Variants in C3 observed in about 807,000 individuals in gnomAD.
C3 encodes C3 and PZP-like alpha-2-macroglobulin domain-containing protein 1.
Under a neutral mutation model 207.9 loss-of-function variants are expected in C3, and 97 were observed. That is an observed-to-expected ratio of 0.47 (90% CI 0.40 to 0.55). The LOEUF is 0.55. Ranked by LOEUF, C3 falls within the 20% of genes least tolerant of loss-of-function variation. The pLI, the probability that C3 is intolerant of heterozygous loss-of-function variation, is 0.00. For synonymous variants in C3, 848 were observed against 857.6 expected (o/e 0.99, Z 0.20); for missense variants, 1,684 against 2,171.7 (o/e 0.78, Z 4.46).
At position 6,685,101 on chromosome 19, in the gene C3, C is replaced by A; in HGVS notation, c.3856G>T (p.Ala1286Ser). ...AGGTTCAGTTCCTGGTGGTCAGGGGCGTCCTTTTGGTATTGAGCCAAGGCT... is the reference window on the plus strand; with the variant it reads ...AGGTTCAGTTCCTGGTGGTCAGGGGAGTCCTTTTGGTATTGAGCCAAGGCT... ...FQALAQYQKD[A>S]PDHQELNLDV... The change falls in exon 30 of 41, where the codon GCC (alanine) becomes TCC (serine). Residue 1286 changes from alanine to serine, a missense_variant. Ala to Ser is a moderately conservative substitution (Grantham distance 99, BLOSUM62 1). Coordinates refer to ENST00000245907, the MANE Select transcript of C3 (RefSeq NM_000064.4). The A allele has an allele frequency of 6.2e-7, 1 of 1,613,922 alleles. No individual in the cohort carries two copies. The highest frequency in any genetic ancestry group is 8.5e-7 in the Non-Finnish European group (1 of 1,179,946).
chr19:6,686,024 G>T, intron 29 of C3, 100 bp downstream of exon 29: 1 of 1,226,164 alleles, frequency 8.2e-7, no homozygotes, highest in Non-Finnish European at 1.2e-6. Flanking sequence ...TCGTGGGAAT[G>T]AAGAACTGCC....
chr19:6,692,159 G>C (rs1918185683), intron 26 of C3, among the ~76,000 whole-genome samples: 1 of 152,116 alleles, frequency 6.6e-6, no homozygotes, highest in Non-Finnish European at 1.5e-5. Context: ...CTGGAGTGCA[G>C]TGTCATGATC....
chr19:6,684,413 T>A lies in C3; in HGVS notation c.4147A>T (p.Thr1383Ser). 1.2e-6 allele frequency: 2 copies of A among 1,614,018 alleles called. No individual in the cohort carries two copies. The highest frequency in any genetic ancestry group is 1.7e-6 in the Non-Finnish European group (2 of 1,179,876). Residue 1383 changes from threonine (T) to serine (S), a missense_variant, in exon 33 of 41, where the codon ACT becomes TCT. By Grantham distance (58) the Thr-to-Ser change is moderately conservative. This residue lies in a region of C3 where 346 missense variants were observed against 380.1 expected (regional missense o/e 0.91). Coordinates refer to ENST00000245907, the MANE Select transcript of C3 (RefSeq NM_000064.4). ...TEKRPQDAKN[T>S]MILEICTRYR... Reference sequence around the variant, plus strand: ...CTGGTACAGATCTCAAGGATCATAGTGTTCTTGGCATCCTGAGGCCTCTTT... The same window carrying A: ...CTGGTACAGATCTCAAGGATCATAGAGTTCTTGGCATCCTGAGGCCTCTTT...
intron 23 of C3, 98 bp from the exon 24 acceptor site, chr19:6,694,732 A>C: frequency 3.6e-6 from 4 of 1,100,768 alleles, no homozygotes; most frequent in Non-Finnish European, 5.3e-6. Flanking sequence ...GCCAGGGCCA[A>C]GGGGTTAGGG....
At chr19:6,700,789 T>C (rs1967657755) in intron 19 of C3, among the ~76,000 whole-genome samples, 1 of 131,526 alleles carries the variant, frequency 7.6e-6, no homozygotes, top group Non-Finnish European at 1.5e-5. Flanking sequence ...AAATATATTA[T>C]GTAATATATA....
At position 6,709,852 on chromosome 19, in the gene C3, G is replaced by T; in HGVS notation, c.1687-10C>A. 6.2e-7 allele frequency: 1 copy of T among 1,611,988 alleles called. No homozygotes were observed. ...CGCTTTTTACCACCAGCTGTGGGGA[G>T]GGTGGAGACGCCGAAAGAAGTCAGC... On this transcript the variant is annotated splice_polypyrimidine_tract_variant and intron_variant, in intron 13 of 40. Transcript: ENST00000245907.
intron 26 of C3, 78 bp downstream of exon 26, chr19:6,692,846 T>TG: frequency 2.0e-6 from 3 of 1,531,810 alleles, no homozygotes; most frequent in Non-Finnish European, 1.8e-6. Context: ...CACATGGAGG[T>TG]GGGGCTCTCT....
intron 13 of C3, 32 bp downstream of exon 13, chr19:6,710,607 A>T (rs1173655411): frequency 6.5e-7 from 1 of 1,535,734 alleles, no homozygotes; most frequent in African/African-American, 1.4e-5. Context: ...AGGGAGAGGG[A>T]GAGGGGGCGA....
At chr19:6,711,909 C>T (rs1410342258) in intron 11 of C3, among the ~76,000 whole-genome samples, 21 of 152,196 alleles carry the variant, frequency 1.4e-4, no homozygotes, top group Admixed American at 1.4e-3. Flanking sequence ...GTGGATGGAG[C>T]GCCTCTCCGT....
At position 6,707,889 on chromosome 19, in the gene C3, G is replaced by A. The variant is rs1358823675; in HGVS notation, c.1886C>T (p.Pro629Leu). 3 of 1,613,932 alleles carry A rather than the reference G, an allele frequency of 1.9e-6. No individual in the cohort carries two copies. The highest frequency in any genetic ancestry group is 2.2e-5 in the East Asian group (1 of 44,876). Residue 629 changes from proline (P) to leucine (L), a missense_variant, in exon 15 of 41, where the codon CCG becomes CTG. By Grantham distance (98) the Pro-to-Leu change is moderately conservative. Around this residue, in one of 3 missense-constraint regions of C3, gnomAD observed 1,280 missense variants for 1,739.1 expected, o/e 0.74. Coordinates refer to ENST00000245907, the MANE Select transcript of C3 (RefSeq NM_000064.4). ...ACCGGCGTAATCCTTCCCACTGCCC[G>A]GGGTGCAGCCGATGTCTGCCTTCTC... ...VVEKADIGCT[P>L]GSGKDYAGVF...
In C3 at chr19:6,682,043, G is replaced by A. The variant is rs1273232456; in HGVS notation, c.4261-13C>T. 3.7e-6 allele frequency: 6 copies of A among 1,613,048 alleles called. No individual in the cohort carries two copies. The Admixed American group carries it at 1.0e-4, about 27-fold the overall frequency. On this transcript the variant is annotated splice_polypyrimidine_tract_variant and intron_variant, in intron 34 of 40. Transcript: ENST00000245907. ...CACCATTGGCCAGCTGGGGAAAGGT[G>A]GAGCCTGTGAAAAATCCCTCCTGGA... is the stretch of plus-strand genomic sequence containing the variant.
chr19:6,704,911 A>G (rs1385811982), intron 17 of C3, among the ~76,000 whole-genome samples: 1 of 151,972 alleles, frequency 6.6e-6, no homozygotes, highest in Non-Finnish European at 1.5e-5. Flanking sequence ...AAAAAAAAAA[A>G]AAGTTTTCGT....
In C3 at chr19:6,700,656, T is replaced by C. The variant is rs1453008625; in HGVS notation, c.2440+1471A>G. Among the ~76,000 whole-genome samples, 11 of 72,006 alleles carry C rather than the reference T, an allele frequency of 1.5e-4. 5 individuals carry two copies. The highest frequency in any genetic ancestry group is 3.9e-4 in the Admixed American group (2 of 5,090). The allele number at this position is 72,006 out of a possible 152,430, so 47.2% of individuals were successfully genotyped here. On this transcript the variant is annotated intron_variant, in intron 19 of 40. Transcript: ENST00000245907. ...TATATTATATATGTAATATATAATA[T>C]ATGATATATTATATATGTAATATAT...
intron 17 of C3, among the ~76,000 whole-genome samples, chr19:6,705,538 G>T (rs909971923): frequency 1.3e-5 from 2 of 151,452 alleles, no homozygotes; most frequent in Non-Finnish European, 2.9e-5. Context: ...GTAGATATGG[G>T]GTTCTGCCAT....
chr19:6,719,991 C>G lies in C3; in HGVS notation c.74+525G>C, dbSNP rs1968129298. On this transcript the variant is annotated intron_variant, in intron 1 of 40. Transcript: ENST00000245907. This position sits in a 1 kb window ranked among gnomAD's most constrained non-coding sequence, Gnocchi z 5.4. Reference sequence around the variant, plus strand: ...ACCCGAAGTAGCCAATCTTTAAACCCACACTGAAAATTGCAAGTCCCCAAG... The same window carrying G: ...ACCCGAAGTAGCCAATCTTTAAACCGACACTGAAAATTGCAAGTCCCCAAG... 6.6e-6 allele frequency among the ~76,000 whole-genome samples: 1 copy of G among 152,112 alleles called. No homozygotes were observed. The highest frequency in any genetic ancestry group is 1.5e-5 in the Non-Finnish European group (1 of 68,034).
At position 6,686,166 on chromosome 19, in the gene C3, G is replaced by A; in HGVS notation, c.3768C>T (p.Leu1256=). 2 of 1,614,186 alleles carry A rather than the reference G, an allele frequency of 1.2e-6. No individual in the cohort carries two copies. The highest frequency in any genetic ancestry group is 1.7e-6 in the Non-Finnish European group (2 of 1,180,032). ...FDFVPPVVRW[L]NEQRYYGGGY... is the part of the protein sequence containing the mutation. The stretch of plus-strand genomic sequence containing the variant: ...CACCACCGTAGTATCTCTGTTCATT[G>A]AGCCAACGCACGACGGGAGGCACAA... Residue 1256 remains leucine (L), a synonymous_variant, in exon 29 of 41, where the codon CTC becomes CTT. Transcript: ENST00000245907.
intron 26 of C3, among the ~76,000 whole-genome samples, chr19:6,691,376 A>G (rs1342196336): frequency 2.6e-5 from 4 of 152,090 alleles, no homozygotes; most frequent in Admixed American, 6.6e-5. Flanking sequence ...TTATAAGTGG[A>G]TGAGTTCTGT....
In C3 at chr19:6,680,261, G is replaced by C. The variant is rs750821412; in HGVS notation, c.4353C>G (p.Val1451=). Residue 1451 remains valine, a splice_region_variant and synonymous_variant, in exon 36 of 41, where the codon GTC becomes GTG. Coordinates refer to ENST00000245907, the MANE Select transcript of C3 (RefSeq NM_000064.4). ...CTAGACAGTCATCCTCAGAGTGTGA[G>C]ACCTGAGGGGGAAGGAGGAGCTTGG... The part of the protein sequence containing the change: ...RNTLIIYLDK[V]SHSEDDCLAF... 1.6e-5 allele frequency: 25 copies of C among 1,560,634 alleles called. No homozygotes were observed. Among genetic ancestry groups the C allele is most frequent in the Non-Finnish European group, 2.1e-5 (24 of 1,131,514 alleles).
intron 24 of C3, among the ~76,000 whole-genome samples, chr19:6,693,868 G>C (rs1369496776): frequency 6.6e-6 from 1 of 152,094 alleles, no homozygotes; most frequent in Non-Finnish European, 1.5e-5. Context: ...GAGAAGATGT[G>C]GGGACCCAGG....
Sources: allele counts gnomAD v4.1 joint callset (sites outside exome capture counted in the v4.1 genomes callset), GRCh38; gene constraint gnomAD v4.1.1; regional missense constraint gnomAD v4.1.1; non-coding constraint Gnocchi (gnomAD v3.1); transcripts MANE v1.5; gene names NCBI Gene and HGNC (gene_info 2026-07-23, HGNC 2026-07-21).